RAB11FIP4: variants seen among roughly 807,000 people sequenced by gnomAD.
The protein encoded by RAB11FIP4 is rab11 family-interacting protein 4.
A neutral mutation model predicts 74.3 loss-of-function variants in RAB11FIP4; 23 were observed. That is an observed-to-expected ratio of 0.31 (90% confidence interval 0.22 to 0.44). The LOEUF (loss-of-function observed/expected upper bound fraction) is 0.44, where lower values mean the gene tolerates loss of function less well. Ranked by LOEUF, RAB11FIP4 falls within the 20% of genes least tolerant of loss-of-function variation. The pLI, the probability that RAB11FIP4 is intolerant of heterozygous loss-of-function variation, is 1.00. For missense variants in RAB11FIP4, 630 were observed against 863.9 expected (o/e 0.73, Z 3.39); for synonymous variants, 360 against 359.9 (o/e 1.00, Z 0.00).
At position 31,516,758 on chromosome 17, in the gene RAB11FIP4, T is replaced by C. The variant is rs570846985; in HGVS notation, c.337-893T>C. On this transcript the variant is annotated intron_variant, in intron 3 of 14. Coordinates refer to ENST00000621161, the MANE Select transcript of RAB11FIP4 (RefSeq NM_032932.6). Reference sequence around the variant, plus strand: ...CTGGGATTACAGGCGTGAGCCACCGTGCCTAGAGATTTATTGAAAACGAAA... The same window carrying C: ...CTGGGATTACAGGCGTGAGCCACCGCGCCTAGAGATTTATTGAAAACGAAA... 1.6e-4 allele frequency among the ~76,000 whole-genome samples: 24 copies of C among 152,334 alleles called. 1 individual carries two copies. Among genetic ancestry groups the C allele is most frequent in the South Asian group, 1.0e-3 (5 of 4,832 alleles).
In RAB11FIP4 at chr17:31,525,134, C is replaced by T; in HGVS notation, c.1178C>T (p.Ala393Val). 6.5e-7 allele frequency: 1 copy of T among 1,550,184 alleles called. No individual in the cohort carries two copies. The highest frequency in any genetic ancestry group is 8.7e-7 in the Non-Finnish European group (1 of 1,147,052). Residue 393 changes from alanine to valine, a missense_variant, in exon 10 of 15, where the codon GCC (alanine) becomes GTC (valine). Physicochemically the swap from Ala to Val is moderately conservative, Grantham distance 64 (BLOSUM62 0). Coordinates refer to ENST00000621161, the MANE Select transcript of RAB11FIP4 (RefSeq NM_032932.6). ...ATGGTGAAGGATCAGGAGACCACGG[C>T]CGAGCAGGCTCTGGAGGAGGAGGCG... ...EEMVKDQETTAEQALEEEARR... is the reference protein window; with the variant it reads ...EEMVKDQETTVEQALEEEARR...
chr17:31,431,866 C>T lies in RAB11FIP4; in HGVS notation c.213C>T (p.Phe71=), dbSNP rs2071312853. The change falls in exon 2 of 15, where the codon TTC becomes TTT. Residue 71 remains phenylalanine (F), a synonymous_variant. Coordinates refer to ENST00000621161, the MANE Select transcript of RAB11FIP4 (RefSeq NM_032932.6). ...LDPNDLGRIN[F]KDFCRGVFAM... is the part of the protein sequence containing the mutation. ...CCAACGACCTGGGGAGAATCAACTT[C>T]AAGGACTTTTGCCGGGGGGTGTTCG... 2 of 1,613,036 alleles carry T rather than the reference C, an allele frequency of 1.2e-6. No homozygotes were observed. The highest frequency in any genetic ancestry group is 1.7e-6 in the Non-Finnish European group (2 of 1,179,470).
chr17:31,481,128 A>G (rs1385427951), intron 3 of RAB11FIP4, among the ~76,000 whole-genome samples: 1 of 152,214 alleles, frequency 6.6e-6, no homozygotes, highest in Non-Finnish European at 1.5e-5. Flanking sequence ...GAAGGAATCA[A>G]AGAACAAACG....
At chr17:31,511,299 A>G (rs2072447973) in intron 3 of RAB11FIP4, among the ~76,000 whole-genome samples, 1 of 152,092 alleles carries the variant, frequency 6.6e-6, no homozygotes, top group African/African-American at 2.4e-5. Flanking sequence ...CGCCCTCATG[A>G]CACAAGGCAT....
intron 3 of RAB11FIP4, among the ~76,000 whole-genome samples, chr17:31,444,617 C>T (rs559707801): frequency 3.3e-5 from 5 of 152,264 alleles, no homozygotes; most frequent in African/African-American, 9.6e-5. Flanking sequence ...CTACTTCCCA[C>T]GGGCCACCTC....
chr17:31,521,643 A>G (rs2072668011), intron 5 of RAB11FIP4, among the ~76,000 whole-genome samples: 1 of 151,344 alleles, frequency 6.6e-6, no homozygotes, highest in African/African-American at 2.4e-5. Flanking sequence ...CTTCCAAGTG[A>G]CCCCTGTGAT....
chr17:31,505,487 AATAT>A (rs1237851736), intron 3 of RAB11FIP4, among the ~76,000 whole-genome samples: 4 of 90,236 alleles, frequency 4.4e-5, no homozygotes, highest in African/African-American at 1.5e-4. Context: ...TATAATATAT[AATAT>A]ATAATTATTA....
intron 1 of RAB11FIP4, among the ~76,000 whole-genome samples, chr17:31,401,555 G>A (rs2070985845): frequency 6.6e-6 from 1 of 152,236 alleles, no homozygotes; most frequent in Non-Finnish European, 1.5e-5. Context: ...CTTCCCTGGA[G>A]ACCAAGGCCT....
intron 3 of RAB11FIP4, among the ~76,000 whole-genome samples, chr17:31,471,683 T>G (rs1046210608): frequency 1.3e-5 from 2 of 150,740 alleles, no homozygotes; most frequent in African/African-American, 4.9e-5. Context: ...ACAGTCTGGG[T>G]GTGCACAGAA....
chr17:31,496,286 C>T (rs886742842), intron 3 of RAB11FIP4, among the ~76,000 whole-genome samples: 6 of 152,222 alleles, frequency 3.9e-5, no homozygotes, highest in Non-Finnish European at 8.8e-5. Context: ...AGAGCGACCT[C>T]TCTGAGCCTC....
In RAB11FIP4 at chr17:31,501,166, C is replaced by A. The variant is rs115686571; in HGVS notation, c.337-16485C>A. Among the ~76,000 whole-genome samples, 657 of 151,262 alleles carry A rather than the reference C, an allele frequency of 4.3e-3. 3 individuals carry two copies. Among genetic ancestry groups the A allele is most frequent in the African/African-American group, 0.015 (633 of 41,300 alleles). ...AGAAGTAGCAGTATTTCAAACTAAT[C>A]GTGAAAGAGAATAAGAGAATACAAC... On this transcript the variant is annotated intron_variant, in intron 3 of 14. Coordinates refer to ENST00000621161, the MANE Select transcript of RAB11FIP4 (RefSeq NM_032932.6).
intron 3 of RAB11FIP4, among the ~76,000 whole-genome samples, chr17:31,445,529 ATTTTATATATATATATATATATAT>A (rs1296235466): frequency 7.7e-5 from 7 of 90,738 alleles, no homozygotes; most frequent in Non-Finnish European, 1.5e-4. Flanking sequence ...AATTTTCCCA[ATTTTATATATATATATATATATAT>A]ATATATATAT....
chr17:31,442,852 C>T (rs575620627), intron 3 of RAB11FIP4, among the ~76,000 whole-genome samples: 5 of 151,452 alleles, frequency 3.3e-5, no homozygotes, highest in Admixed American at 2.6e-4. Flanking sequence ...CCCAGCCTCT[C>T]GGGAGGCTGA....
Position 31,534,753 on chromosome 17 carries a change from A to C in RAB11FIP4, c.*3021A>C, listed in dbSNP as rs998178110. ...TTTTATTGTTTTTGCTAAACCTGGC[A>C]ACCCTACCGAGTAGGGATTAGCAGT... On this transcript the variant is annotated 3_prime_UTR_variant, in exon 15 of 15. Coordinates refer to ENST00000621161, the MANE Select transcript of RAB11FIP4 (RefSeq NM_032932.6). 4.6e-5 allele frequency: 7 copies of C among 153,082 alleles called. No individual in the cohort carries two copies. The highest frequency in any genetic ancestry group is 1.4e-4 in the African/African-American group (6 of 41,464). 9.5% of individuals were successfully genotyped at this position (153,082 alleles called of 1,614,324 possible).
chr17:31,502,290 T>C (rs891199875), intron 3 of RAB11FIP4, among the ~76,000 whole-genome samples: 7 of 151,666 alleles, frequency 4.6e-5, no homozygotes, highest in African/African-American at 1.2e-4. Flanking sequence ...TCTTTAAAGG[T>C]TGAATTGGCT....
intron 1 of RAB11FIP4, among the ~76,000 whole-genome samples, chr17:31,421,026 G>A (rs1247668353): frequency 6.6e-6 from 1 of 152,134 alleles, no homozygotes; most frequent in African/African-American, 2.4e-5. Flanking sequence ...AGAGGTTGCA[G>A]TGAGCCGAGA....
At chr17:31,485,457 G>A (rs182273452) in intron 3 of RAB11FIP4, among the ~76,000 whole-genome samples, 2 of 152,168 alleles carry the variant, frequency 1.3e-5, no homozygotes, top group South Asian at 2.1e-4. Context: ...AGAGAGTCAC[G>A]ACCAGAGAAG....
At chr17:31,530,605 A>G (rs2142834557) in intron 14 of RAB11FIP4, 136 bp downstream of exon 14, 2 of 1,177,510 alleles carry the variant, frequency 1.7e-6, no homozygotes, top group East Asian at 2.4e-5. Flanking sequence ...CCCACATGAC[A>G]GGGCAAGGCT....
In RAB11FIP4 at chr17:31,536,961, A is replaced by T. The variant is rs1272888059; in HGVS notation, c.*5229A>T. ...GTAGGTTGCTCCTTTCCCCATCTGT[A>T]AGGTAGAGATGTCTGCCCCGGAGCT... On this transcript the variant is annotated 3_prime_UTR_variant, in exon 15 of 15. Coordinates refer to ENST00000621161, the MANE Select transcript of RAB11FIP4 (RefSeq NM_032932.6). 1.0e-5 allele frequency: 4 copies of T among 398,950 alleles called. No individual in the cohort carries two copies. The highest frequency in any genetic ancestry group is 1.8e-5 in the Non-Finnish European group (4 of 226,102). The allele number at this position is 398,950 out of a possible 1,614,324, so 24.7% of individuals were successfully genotyped here.
Sources: allele counts gnomAD v4.1 joint callset (sites outside exome capture counted in the v4.1 genomes callset), GRCh38; gene constraint gnomAD v4.1.1; transcripts MANE v1.5; gene names NCBI Gene and HGNC (gene_info 2026-07-23, HGNC 2026-07-21).